FSHR: variants seen among roughly 807,000 people sequenced by gnomAD.
The protein encoded by FSHR is follicle-stimulating hormone receptor.
In FSHR, 46 loss-of-function variants were observed where a neutral mutation model predicts 52.1. The observed-to-expected ratio is 0.88, with a 90% CI of 0.70 to 1.13. FSHR has a LOEUF of 1.13. Ranked by LOEUF, FSHR falls within the 50% of genes most tolerant of loss-of-function variation. The pLI, the probability that FSHR is intolerant of heterozygous loss-of-function variation, is 0.00. For missense variants in FSHR, 964 were observed against 834.6 expected (o/e 1.16, Z -1.91); for synonymous variants, 399 against 309.6 (o/e 1.29, Z -3.03).
chr2:49,108,700 TA>T (rs1671322699), intron 1 of FSHR, among the ~76,000 whole-genome samples: 1 of 152,094 alleles, frequency 6.6e-6, no homozygotes, highest in Non-Finnish European at 1.5e-5. Flanking sequence ...AGACTTGCAT[TA>T]GTGCAGGGTG....
intron 1 of FSHR, among the ~76,000 whole-genome samples, chr2:49,087,075 T>TA (rs1558433802): frequency 3.7e-5 from 5 of 134,808 alleles, no homozygotes; most frequent in African/African-American, 1.6e-4. Context: ...GCAGGGTTTT[T>TA]TTTTTTTTTT....
chr2:49,059,030 C>A (rs1432345734), intron 2 of FSHR, among the ~76,000 whole-genome samples: 10 of 151,918 alleles, frequency 6.6e-5, no homozygotes, highest in Non-Finnish European at 1.5e-4. Flanking sequence ...GCAACATAAT[C>A]CCCATCTATG....
At chr2:49,100,911 AG>A (rs1671003398) in intron 1 of FSHR, among the ~76,000 whole-genome samples, 1 of 152,312 alleles carries the variant, frequency 6.6e-6, no homozygotes, top group Non-Finnish European at 1.5e-5. Context: ...AAGAATGATC[AG>A]GGAGCTTCAA....
At chr2:48,987,799 C>G (rs1435788159) in intron 6 of FSHR, among the ~76,000 whole-genome samples, 2 of 150,324 alleles carry the variant, frequency 1.3e-5, no homozygotes, top group Admixed American at 1.3e-4. Context: ...CTTTTGCTTT[C>G]TCTTTCTTAC....
chr2:48,989,757 G>A (rs1217834884), intron 5 of FSHR, among the ~76,000 whole-genome samples: 1 of 151,972 alleles, frequency 6.6e-6, no homozygotes, highest in Non-Finnish European at 1.5e-5. Flanking sequence ...TCTCAGAATG[G>A]CTTTATCATT....
rs113943079 is a variant in FSHR at position 49,131,412 on chromosome 2, G to A, written c.152+22854C>T. ...TCTAAGCATAGTGTGATCTGAGCTA[G>A]TCCATACTGCAGGCAATAAAAACAA... On this transcript the variant is annotated intron_variant, in intron 1 of 9. Transcript: ENST00000406846. Among the ~76,000 whole-genome samples, 888 of 152,246 alleles carry A rather than the reference G, an allele frequency of 5.8e-3. 2 individuals carry two copies. Among genetic ancestry groups the A allele is most frequent in the Non-Finnish European group, 9.5e-3 (648 of 68,010 alleles).
At chr2:48,971,679 A>G (rs972839473) in intron 8 of FSHR, among the ~76,000 whole-genome samples, 2 of 152,166 alleles carry the variant, frequency 1.3e-5, no homozygotes, top group African/African-American at 4.8e-5. Context: ...TTCTATCACT[A>G]CTGAGAAAAT....
At chr2:49,058,828 C>A (rs1187209626) in intron 2 of FSHR, among the ~76,000 whole-genome samples, 1 of 152,030 alleles carries the variant, frequency 6.6e-6, no homozygotes, top group African/African-American at 2.4e-5. Flanking sequence ...GAAAAACATC[C>A]CAAGCTCATG....
chr2:48,963,517 T>G lies in FSHR; in HGVS notation c.1304A>C (p.Asp435Ala). 1.2e-6 allele frequency: 2 copies of G among 1,614,148 alleles called. No homozygotes were observed. Among genetic ancestry groups the G allele is most frequent in the Non-Finnish European group, 1.7e-6 (2 of 1,180,022 alleles). Residue 435 changes from aspartate (D) to alanine (A), a missense_variant, in exon 10 of 10, where the codon GAC becomes GCC. Transcript: ENST00000406846. ...ATCACAGCCTGCCCCAGTTTGCCAG[T>G]CAATGGCATAGTTGTGATATTGGCT... is the stretch of plus-strand genomic sequence containing the variant. Reference protein sequence around the residue: ...TKSQYHNYAIDWQTGAGCDAA... With the variant: ...TKSQYHNYAIAWQTGAGCDAA...
At chr2:49,021,883 A>G (rs1253556357) in intron 2 of FSHR, among the ~76,000 whole-genome samples, 8 of 47,580 alleles carry the variant, frequency 1.7e-4, no homozygotes, top group African/African-American at 6.0e-4. Flanking sequence ...ATATATATAT[A>G]TATAGAGAGA....
intron 2 of FSHR, among the ~76,000 whole-genome samples, chr2:49,026,103 G>T (rs2104241095): frequency 6.6e-6 from 1 of 152,298 alleles, no homozygotes; most frequent in East Asian, 1.9e-4. Context: ...TCATGGGCAA[G>T]ATAAGTCTTT....
intron 4 of FSHR, among the ~76,000 whole-genome samples, chr2:49,006,069 T>C (rs1041467360): frequency 1.3e-5 from 2 of 152,118 alleles, no homozygotes; most frequent in Non-Finnish European, 2.9e-5. Context: ...AACATTAGAC[T>C]CCAAGTTCTT....
intron 8 of FSHR, 21 bp downstream of exon 8, chr2:48,982,891 G>C: frequency 1.2e-6 from 2 of 1,600,164 alleles, no homozygotes; most frequent in East Asian, 2.2e-5. Context: ...CTTACACACA[G>C]AAATGGGGAA....
At chr2:49,060,017 A>T (rs1220734880) in intron 2 of FSHR, among the ~76,000 whole-genome samples, 1 of 152,166 alleles carries the variant, frequency 6.6e-6, no homozygotes, top group Non-Finnish European at 1.5e-5. Context: ...TACCAAAAAA[A>T]TTTGATTAAA....
chr2:49,082,344 G>C (rs1670204704), intron 1 of FSHR, among the ~76,000 whole-genome samples: 1 of 152,108 alleles, frequency 6.6e-6, no homozygotes, highest in Admixed American at 6.5e-5. Flanking sequence ...AAACCCATCT[G>C]TACATCACCA....
Position 48,962,944 on chromosome 2 carries a change from T to C in FSHR, c.1877A>G (p.Tyr626Cys), listed in dbSNP as rs769617052. The C allele has an allele frequency of 3.1e-6, 5 of 1,614,052 alleles. No individual in the cohort carries two copies. The South Asian group carries it at 4.4e-5, about 14-fold the overall frequency. ...GCGAAAGTTTTTGGTAAAGATGGCA[T>C]AGAGGAAGGGGTTGGCACAGGAGTT... Reference protein sequence around the residue: ...PINSCANPFLYAIFTKNFRRD... With the variant: ...PINSCANPFLCAIFTKNFRRD... Residue 626 changes from tyrosine (Y) to cysteine (C), a missense_variant, in exon 10 of 10, where the codon TAT (tyrosine) becomes TGT (cysteine). Coordinates refer to ENST00000406846, the MANE Select transcript of FSHR (RefSeq NM_000145.4).
intron 1 of FSHR, among the ~76,000 whole-genome samples, chr2:49,096,620 C>T (rs762738396): frequency 3.3e-5 from 5 of 152,238 alleles, no homozygotes; most frequent in Admixed American, 2.0e-4. Flanking sequence ...TGAATATCTC[C>T]AGTAAAATAT....
intron 1 of FSHR, among the ~76,000 whole-genome samples, chr2:49,141,641 C>T (rs1268485199): frequency 7.2e-5 from 11 of 152,124 alleles, no homozygotes; most frequent in Admixed American, 6.5e-4. Context: ...CAAACTATGT[C>T]GCCAACCCTG....
Position 49,124,058 on chromosome 2 carries a change from C to G in FSHR, c.152+30208G>C, listed in dbSNP as rs184369849. ...GGAGTGCAGTGGCATGATCTCGGCTCACTGCATCCTCCACCTCCTGCACCT... is the reference window on the plus strand; with the variant it reads ...GGAGTGCAGTGGCATGATCTCGGCTGACTGCATCCTCCACCTCCTGCACCT... On this transcript the variant is annotated intron_variant, in intron 1 of 9. Transcript: ENST00000406846. 4.9e-3 allele frequency among the ~76,000 whole-genome samples: 747 copies of G among 151,738 alleles called. 7 individuals are homozygous for G. Among genetic ancestry groups the G allele is most frequent in the African/African-American group, 0.017 (695 of 41,320 alleles).
Sources: gnomAD v4.1 joint callset for allele counts (sites outside exome capture counted in the v4.1 genomes callset) on GRCh38, gnomAD v4.1.1 for gene constraint, MANE v1.5 for transcripts, NCBI Gene and HGNC (gene_info 2026-07-23, HGNC 2026-07-21) for gene names.